Variants in SLC5A4 observed in about 807,000 individuals in gnomAD.
SLC5A4 encodes solute carrier family 5 member 4.
A neutral mutation model predicts 70.3 loss-of-function variants in SLC5A4; 55 were observed. That is an observed-to-expected ratio of 0.78 (90% CI 0.63 to 0.98). The LOEUF (loss-of-function observed/expected upper bound fraction) is 0.98. Among genes scored for constraint, SLC5A4 ranks in the 50% least tolerant of loss-of-function variants. The pLI, the probability that SLC5A4 is intolerant of heterozygous loss-of-function variation, is 0.00. For synonymous variants in SLC5A4, 268 were observed against 305.7 expected (o/e 0.88, Z 1.29); for missense variants, 735 against 839.2 (o/e 0.88, Z 1.53).
At chr22:32,294,358 T>C in the SLC5A4 span, among the ~76,000 whole-genome samples, 1 of 151,944 alleles carries the variant, frequency 6.6e-6, no homozygotes, top group African/African-American at 2.4e-5. Context: ...TTTTATTCTG[T>C]GATAATTGCA....
At chr22:32,299,694 G>A in the SLC5A4 span, among the ~76,000 whole-genome samples, 1 of 104,316 alleles carries the variant, frequency 9.6e-6, no homozygotes, top group African/African-American at 3.6e-5. Context: ...TCCGTTGCTG[G>A]TGAGGAACTG....
rs765029888 is a variant in SLC5A4, at chr22:32,229,234, G to GA, written c.1239_1240insT (p.Arg414SerfsTer48). On this transcript the variant is annotated frameshift_variant, in exon 11 of 15. Coordinates refer to ENST00000266086, the MANE Select transcript of SLC5A4 (RefSeq NM_014227.3). LOFTEE classifies it high-confidence loss of function. ...AGCTCTTTCTCCGACGCTTGCTTCC[G>GA]CATCTTGGTGTAGAGGTCAATGGTG... The GA allele has an allele frequency of 6.2e-7, 1 of 1,614,042 alleles. No homozygotes were observed. The highest frequency in any genetic ancestry group is 1.1e-5 in the South Asian group (1 of 91,054).
chr22:32,255,240 T>C lies in SLC5A4; in HGVS notation c.90A>G (p.Ser30=). Reference sequence around the variant, plus strand: ...CCACCAGAAAATAGATGACAATGACTGAGATGTCAGCAGCATTTCGGATGT... The same window carrying C: ...CCACCAGAAAATAGATGACAATGACCGAGATGTCAGCAGCATTTCGGATGT... The part of the protein sequence containing the change: ...SDHIRNAADI[S]VIVIYFLVVM... Residue 30 remains serine (S), a synonymous_variant, in exon 1 of 15, where the codon TCA becomes TCG. Coordinates refer to ENST00000266086, the MANE Select transcript of SLC5A4 (RefSeq NM_014227.3). 22 of 1,612,890 alleles carry C rather than the reference T, an allele frequency of 1.4e-5. No homozygotes were observed. The highest frequency in any genetic ancestry group is 1.9e-5 in the Non-Finnish European group (22 of 1,179,292).
chr22:32,300,576 A>G, the SLC5A4 span, among the ~76,000 whole-genome samples: 3 of 151,042 alleles, frequency 2.0e-5, no homozygotes, highest in South Asian at 2.1e-4. Flanking sequence ...CCCTAGTGAG[A>G]TGAACCCGGT....
the SLC5A4 span, among the ~76,000 whole-genome samples, chr22:32,332,273 T>G: frequency 1.3e-5 from 2 of 152,344 alleles, no homozygotes; most frequent in Admixed American, 1.3e-4. Context: ...CAGACCTACT[T>G]GCATCTGCCA....
chr22:32,333,201 C>A, the SLC5A4 span, among the ~76,000 whole-genome samples: 3 of 147,414 alleles, frequency 2.0e-5, no homozygotes, highest in South Asian at 6.7e-4. Flanking sequence ...CTGGCACCCC[C>A]CCCCCAGAAG....
the SLC5A4 span, among the ~76,000 whole-genome samples, chr22:32,333,945 A>G: frequency 2.7e-5 from 4 of 150,586 alleles, no homozygotes; most frequent in African/African-American, 9.8e-5. Flanking sequence ...CACACGTCAC[A>G]CACCATGCTG....
At chr22:32,272,723 C>T in the SLC5A4 span, 40 of 508,372 alleles carry the variant, frequency 7.9e-5, no homozygotes, top group Non-Finnish European at 9.7e-5. Flanking sequence ...CCCACATGAA[C>T]GCATTCTATA....
the SLC5A4 span, among the ~76,000 whole-genome samples, chr22:32,289,263 T>C: frequency 6.6e-6 from 1 of 152,202 alleles, no homozygotes; most frequent in Admixed American, 6.5e-5. Flanking sequence ...CTCCTAATTA[T>C]ATTTATTGTT....
the SLC5A4 span, among the ~76,000 whole-genome samples, chr22:32,305,072 A>G: frequency 6.6e-6 from 1 of 152,050 alleles, no homozygotes; most frequent in African/African-American, 2.4e-5. Flanking sequence ...TATTCTGTTC[A>G]TTGTCTGTTC....
chr22:32,340,382 C>A, the SLC5A4 span, among the ~76,000 whole-genome samples: 2 of 152,204 alleles, frequency 1.3e-5, no homozygotes, highest in Admixed American at 6.5e-5. Flanking sequence ...TGAGCACCTA[C>A]TATGTGTCAG....
the SLC5A4 span, among the ~76,000 whole-genome samples, chr22:32,350,906 T>TA: frequency 0.03 from 4,205 of 139,818 alleles, 168 homozygotes; most frequent in African/African-American, 0.095. Flanking sequence ...GAGAAATCAG[T>TA]AAAAAAAAAA....
intron 9 of SLC5A4, among the ~76,000 whole-genome samples, chr22:32,232,238 A>G (rs80239039): frequency 0.019 from 2,926 of 152,306 alleles, 35 homozygotes; most frequent in East Asian, 0.059. Context: ...TCACTTAACA[A>G]GATTTCAGTG....
the SLC5A4 span, among the ~76,000 whole-genome samples, chr22:32,289,102 T>C: frequency 6.6e-6 from 1 of 152,256 alleles, no homozygotes; most frequent in African/African-American, 2.4e-5. Context: ...TTCTGTAATT[T>C]TTTGTGGCTA....
the SLC5A4 span, among the ~76,000 whole-genome samples, chr22:32,309,267 G>T: frequency 6.6e-6 from 1 of 152,198 alleles, no homozygotes; most frequent in Non-Finnish European, 1.5e-5. Context: ...AACTGCTCGT[G>T]AATCACACAC....
the SLC5A4 span, among the ~76,000 whole-genome samples, chr22:32,337,906 T>C: frequency 7.0e-6 from 1 of 143,210 alleles, no homozygotes; most frequent in African/African-American, 2.6e-5. Context: ...TGAGTATGTA[T>C]TACCTCTGTT....
the SLC5A4 span, chr22:32,273,160 T>G: frequency 2.0e-5 from 8 of 407,268 alleles, no homozygotes; most frequent in Non-Finnish European, 3.9e-5. Context: ...CCCACCACCT[T>G]TTTTGAACAA....
the SLC5A4 span, chr22:32,270,851 G>C: frequency 1.8e-6 from 1 of 555,396 alleles, no homozygotes; most frequent in South Asian, 1.7e-5. Flanking sequence ...CGACCACCTG[G>C]TGCTGCACAA....
the SLC5A4 span, among the ~76,000 whole-genome samples, chr22:32,307,505 G>A: frequency 6.6e-6 from 1 of 152,228 alleles, no homozygotes; most frequent in Non-Finnish European, 1.5e-5. Context: ...GGCCAGGCAA[G>A]TGGCAGGCGT....
Sources: gnomAD v4.1 joint callset for allele counts (sites outside exome capture counted in the v4.1 genomes callset) on GRCh38, gnomAD v4.1.1 for gene constraint, MANE v1.5 for transcripts, NCBI Gene and HGNC (gene_info 2026-07-23, HGNC 2026-07-21) for gene names.